CDH11: variants seen among roughly 807,000 people sequenced by gnomAD.
CDH11 encodes cadherin 11, also known as cadherin-11.
In CDH11, 11 loss-of-function variants were observed where a neutral mutation model predicts 67.8. The observed-to-expected ratio is 0.16, with a 90% CI of 0.10 to 0.27. The LOEUF (loss-of-function observed/expected upper bound fraction) is 0.27, where lower values mean the gene tolerates loss of function less well. CDH11 is among the 10% of genes least tolerant of loss of function. The pLI, the probability that CDH11 is intolerant of heterozygous loss-of-function variation, is 1.00. For synonymous variants in CDH11, 419 were observed against 400.0 expected (o/e 1.05, Z -0.57); for missense variants, 847 against 1,031.2 (o/e 0.82, Z 2.45).
chr16:64,965,379 C>T (rs946293140), intron 11 of CDH11, among the ~76,000 whole-genome samples: 1 of 151,960 alleles, frequency 6.6e-6, no homozygotes, highest in Non-Finnish European at 1.5e-5. Context: ...AAGACTCCAT[C>T]TCGAAAAAAA....
At chr16:65,091,131 T>C (rs1187561816) in intron 1 of CDH11, among the ~76,000 whole-genome samples, 1 of 152,254 alleles carries the variant, frequency 6.6e-6, no homozygotes, top group African/African-American at 2.4e-5. Flanking sequence ...CATTTTATCC[T>C]AAGCATATGT....
intron 8 of CDH11, among the ~76,000 whole-genome samples, chr16:64,976,858 C>CCAAT (rs1433164528): frequency 1.2e-5 from 1 of 80,676 alleles, no homozygotes; most frequent in Admixed American, 1.2e-4. Context: ...CAAAAACCAA[C>CCAAT]CAACCAACCA....
At chr16:65,039,407 C>T (rs2073820147) in intron 2 of CDH11, among the ~76,000 whole-genome samples, 1 of 152,086 alleles carries the variant, frequency 6.6e-6, no homozygotes, top group South Asian at 2.1e-4. Flanking sequence ...AATAATGCTG[C>T]ATATCTACAA....
chr16:65,008,198 T>G (rs1240404390), intron 2 of CDH11, among the ~76,000 whole-genome samples: 2 of 152,250 alleles, frequency 1.3e-5, no homozygotes, highest in African/African-American at 4.8e-5. Flanking sequence ...CTTTTTTCTT[T>G]TATAAAAAAT....
chr16:65,085,623 G>A (rs1366485917), intron 1 of CDH11, among the ~76,000 whole-genome samples: 1 of 152,172 alleles, frequency 6.6e-6, no homozygotes, highest in Non-Finnish European at 1.5e-5. Flanking sequence ...AGGATAGACT[G>A]TAGATTCTAT....
chr16:65,042,794 T>G (rs551573239), intron 2 of CDH11, among the ~76,000 whole-genome samples: 2 of 152,300 alleles, frequency 1.3e-5, no homozygotes, highest in Admixed American at 6.5e-5. Flanking sequence ...TTCCACTGGC[T>G]TTTTCATCTG....
chr16:65,090,604 C>T (rs1397965026), intron 1 of CDH11, among the ~76,000 whole-genome samples: 1 of 152,104 alleles, frequency 6.6e-6, no homozygotes, highest in African/African-American at 2.4e-5. Flanking sequence ...ACAGTTCTTC[C>T]CTCCCGCCAG....
intron 1 of CDH11, among the ~76,000 whole-genome samples, chr16:65,098,515 A>AGT (rs35258390): frequency 0.06 from 8,863 of 148,252 alleles, 310 homozygotes; most frequent in Non-Finnish European, 0.08. Context: ...TGTGTCTTCA[A>AGT]GTGTGTGTGT....
intron 1 of CDH11, among the ~76,000 whole-genome samples, chr16:65,066,077 G>A (rs909132665): frequency 2.0e-5 from 3 of 152,198 alleles, no homozygotes; most frequent in African/African-American, 7.2e-5. Flanking sequence ...CCCTTCATTA[G>A]TGAGCCTCAC....
intron 2 of CDH11, among the ~76,000 whole-genome samples, chr16:65,051,240 G>A (rs767407804): frequency 2.0e-5 from 3 of 152,276 alleles, no homozygotes; most frequent in African/African-American, 2.4e-5. Flanking sequence ...GACTCCTCAC[G>A]TTGAAATGTC....
At chr16:65,008,504 G>A (rs895127200) in intron 2 of CDH11, among the ~76,000 whole-genome samples, 5 of 152,142 alleles carry the variant, frequency 3.3e-5, no homozygotes, top group South Asian at 2.1e-4. Context: ...CTTAGCTACT[G>A]TTCTAAAAGC....
At position 64,991,912 on chromosome 16, in the gene CDH11, T is replaced by C; in HGVS notation, c.667A>G (p.Asn223Asp). 1 of 1,613,016 alleles carries C rather than the reference T, an allele frequency of 6.2e-7. No homozygotes were observed. The highest frequency in any genetic ancestry group is 8.5e-7 in the Non-Finnish European group (1 of 1,179,170). ...QTGIIRTALP[N>D]MDREAKEEYH... ...TCCTCCTTGGCCTCCCTGTCCATGT[T>C]GGGTAGGGCTGTTCTGATGATACCT... Residue 223 changes from asparagine to aspartate, a missense_variant, in exon 6 of 13, where the codon AAC (asparagine) becomes GAC (aspartate). Physicochemically the swap from Asn to Asp is conservative, Grantham distance 23. Around this residue, in one of 2 missense-constraint regions of CDH11, gnomAD observed 235 missense variants for 352.5 expected, o/e 0.67. Coordinates refer to ENST00000268603, the MANE Select transcript of CDH11 (RefSeq NM_001797.4).
chr16:64,983,488 G>A (rs1205837329), intron 7 of CDH11, among the ~76,000 whole-genome samples: 1 of 152,148 alleles, frequency 6.6e-6, no homozygotes, highest in Non-Finnish European at 1.5e-5. Flanking sequence ...GTTGTCATTT[G>A]CCTGGCAAAC....
chr16:65,109,069 C>T (rs770781107), intron 1 of CDH11, among the ~76,000 whole-genome samples: 2 of 152,006 alleles, frequency 1.3e-5, no homozygotes, highest in South Asian at 4.2e-4. Context: ...ATCGCTTGAA[C>T]GTGGGAGGCA....
intron 2 of CDH11, among the ~76,000 whole-genome samples, chr16:65,029,861 T>C (rs1010961199): frequency 1.3e-5 from 2 of 152,156 alleles, no homozygotes; most frequent in South Asian, 2.1e-4. Context: ...TCACCTGACA[T>C]TGGAGGCAGA....
At chr16:64,985,736 C>T (rs554201007) in intron 7 of CDH11, 5 of 148,498 alleles carry the variant, frequency 3.4e-5, no homozygotes, top group Admixed American at 2.8e-4. Flanking sequence ...GGGTAGAGCA[C>T]GTGCTTAATG....
At chr16:64,960,829 T>TAA (rs2071652977) in intron 11 of CDH11, among the ~76,000 whole-genome samples, 1 of 151,900 alleles carries the variant, frequency 6.6e-6, no homozygotes, top group Non-Finnish European at 1.5e-5. Context: ...GGAAAGAATT[T>TAA]AAAAAAGAGA....
At chr16:64,948,679 C>A in intron 12 of CDH11, 1 of 1,608,654 alleles carries the variant, frequency 6.2e-7, no homozygotes. Flanking sequence ...CCCCAGAAGA[C>A]AAAATCTTCT....
intron 4 of CDH11, among the ~76,000 whole-genome samples, chr16:64,994,189 T>C (rs1299374963): frequency 6.6e-6 from 1 of 152,224 alleles, no homozygotes; most frequent in African/African-American, 2.4e-5. Flanking sequence ...TACTCTTCTA[T>C]AATTCATTAT....
Sources: allele counts gnomAD v4.1 joint callset (sites outside exome capture counted in the v4.1 genomes callset), GRCh38; gene constraint gnomAD v4.1.1; regional missense constraint gnomAD v4.1.1; transcripts MANE v1.5; gene names NCBI Gene and HGNC (gene_info 2026-07-23, HGNC 2026-07-21).